The following TRIP6 variants were observed in gnomAD, a reference collection of about 807,000 sequenced individuals.
TRIP6 encodes the protein thyroid receptor-interacting protein 6.
Under a neutral mutation model 51.9 loss-of-function variants are expected in TRIP6, and 33 were observed. The observed-to-expected ratio is 0.64, with a 90% CI of 0.48 to 0.85. TRIP6 has a LOEUF of 0.85. Among genes scored for constraint, TRIP6 ranks in the 40% least tolerant of loss-of-function variants. The pLI is 0.00. For missense variants in TRIP6, 661 were observed against 652.1 expected, an observed-to-expected ratio of 1.01 and a Z score of -0.15; for synonymous variants, 255 against 275.8, an observed-to-expected ratio of 0.92 and a Z score of 0.75.
rs934043032 is a variant in TRIP6 at position 100,871,689 on chromosome 7, G to A, written c.1146G>A (p.Thr382=). 8 of 1,613,932 alleles carry A rather than the reference G, an allele frequency of 5.0e-6. No homozygotes were observed. Among genetic ancestry groups the A allele is most frequent in the Middle Eastern group, 1.6e-4 (1 of 6,084 alleles). Residue 382 remains threonine, a synonymous_variant, in exon 7 of 9, where the codon ACG becomes ACA. Coordinates refer to ENST00000200457, the MANE Select transcript of TRIP6 (RefSeq NM_003302.3). ...LDGIPFTVDA[T]SQIHCIEDFH... is the part of the protein sequence containing the mutation. ...GCATCCCCTTCACAGTGGATGCTAC[G>A]AGCCAGATCCACTGCATTGAGGACT...
At chr7:100,871,911 C>A (rs533455237) in intron 7 of TRIP6, among the ~76,000 whole-genome samples, 190 bp downstream of exon 7, 1 of 152,214 alleles carries the variant, frequency 6.6e-6, no homozygotes, top group Non-Finnish European at 1.5e-5. Flanking sequence ...TCATAGCTCA[C>A]TGCAGCCTCC....
chr7:100,872,596 T>C (rs1815296777), intron 7 of TRIP6, 28 bp from the exon 8 acceptor site: 2 of 1,613,340 alleles, frequency 1.2e-6, no homozygotes, highest in African/African-American at 2.7e-5. Context: ...CAAGGCTTGA[T>C]GGCCTTCTTG....
At chr7:100,868,454 G>A (rs748621425) in intron 3 of TRIP6, 41 bp from the exon 4 acceptor site, 3 of 1,612,454 alleles carry the variant, frequency 1.9e-6, no homozygotes, top group Non-Finnish European at 2.5e-6. Context: ...GTCTTGGAGT[G>A]GGGTCCTTGC....
At chr7:100,872,791 C>T (rs1208514346) in intron 8 of TRIP6, 47 bp downstream of exon 8, 2 of 1,607,028 alleles carry the variant, frequency 1.2e-6, no homozygotes, top group Non-Finnish European at 1.7e-6. Flanking sequence ...GTCTAGGGTG[C>T]TGGGTAGAGC....
In TRIP6 at chr7:100,873,361, A is replaced by C. The variant is rs576652050; in HGVS notation, c.*58A>C. The C allele has an allele frequency of 1.9e-6, 3 of 1,544,430 alleles. No homozygotes were observed. The highest frequency in any genetic ancestry group is 2.7e-5 in the African/African-American group (2 of 73,282). ...TCCAGTTCCCATCCTTTGATTGATC[A>C]CTCTCCCTGACATCCACCTGTATGA... On this transcript the variant is annotated 3_prime_UTR_variant, in exon 9 of 9. Coordinates refer to ENST00000200457, the MANE Select transcript of TRIP6 (RefSeq NM_003302.3).
At position 100,871,706 on chromosome 7, in the gene TRIP6, T is replaced by C. The variant is rs976546982; in HGVS notation, c.1163T>C (p.Ile388Thr). Residue 388 changes from isoleucine to threonine, a missense_variant, in exon 7 of 9, where the codon ATT (isoleucine) becomes ACT (threonine). By Grantham distance (89) the Ile-to-Thr change is moderately conservative. Coordinates refer to ENST00000200457, the MANE Select transcript of TRIP6 (RefSeq NM_003302.3). ...GATGCTACGAGCCAGATCCACTGCATTGAGGACTTTCACAGGTCAGGCCTG... is the reference window on the plus strand; with the variant it reads ...GATGCTACGAGCCAGATCCACTGCACTGAGGACTTTCACAGGTCAGGCCTG... ...TVDATSQIHC[I>T]EDFHRKFAPR... 2.5e-6 allele frequency: 4 copies of C among 1,613,870 alleles called. No individual in the cohort carries two copies. The highest frequency in any genetic ancestry group is 2.5e-6 in the Non-Finnish European group (3 of 1,179,998).
At position 100,868,830 on chromosome 7, in the gene TRIP6, T is replaced by C. The variant is rs111669728; in HGVS notation, c.699T>C (p.Pro233=). ...AGGAAGCTGCTGGGGTCTCTGGCCCTGCAGGAAGAGGAAGAGGAGGCGAGC... is the reference window on the plus strand; with the variant it reads ...AGGAAGCTGCTGGGGTCTCTGGCCCCGCAGGAAGAGGAAGAGGAGGCGAGC... ...AKEEAAGVSG[P]AGRGRGGEHG... The change falls in exon 4 of 9, where the codon CCT becomes CCC. Residue 233 remains proline (P), a synonymous_variant. Coordinates refer to ENST00000200457, the MANE Select transcript of TRIP6 (RefSeq NM_003302.3). 3 of 1,517,570 alleles carry C rather than the reference T, an allele frequency of 2.0e-6. No homozygotes were observed. The highest frequency in any genetic ancestry group is 2.6e-6 in the Non-Finnish European group (3 of 1,138,542). 94.0% of individuals were successfully genotyped at this position (1,517,570 alleles called of 1,614,324 possible). A position where few individuals can be genotyped will look rare whatever the true frequency, so the allele number is the denominator to read the frequency against.
chr7:100,867,984 C>T lies in TRIP6; in HGVS notation c.233C>T (p.Thr78Met), dbSNP rs754152821. 3 of 1,515,190 alleles carry T rather than the reference C, an allele frequency of 2.0e-6. No individual in the cohort carries two copies. The highest frequency in any genetic ancestry group is 1.4e-5 in the African/African-American group (1 of 71,450). The allele number at this position is 1,515,190 out of a possible 1,614,324, so 93.9% of individuals were successfully genotyped here. A position where few individuals can be genotyped will look rare whatever the true frequency, so the allele number is the denominator to read the frequency against. The part of the protein sequence containing the change: ...WVGSHGVLQH[T>M]QGLPADRGGL... ...GGGTCCCATGGAGTACTCCAGCACA[C>T]GCAGGTGAGACCCGGGATCGTGGGG... The change falls in exon 2 of 9, where the codon ACG (threonine) becomes ATG (methionine). Residue 78 changes from threonine (T) to methionine (M), a missense_variant. Coordinates refer to ENST00000200457, the MANE Select transcript of TRIP6 (RefSeq NM_003302.3). This position sits in a 1 kb window ranked among gnomAD's most constrained non-coding sequence, Gnocchi z 5.4.
chr7:100,870,297 C>T lies in TRIP6; in HGVS notation c.736-73C>T, dbSNP rs557878247. ...TGGCCCAGTTCCTAACAGGCCATGG[C>T]CTGGCGGCTGAGGGCCCTGGTATTA... On this transcript the variant is annotated intron_variant, in intron 4 of 8. Transcript: ENST00000200457. 26 of 1,486,808 alleles carry T rather than the reference C, an allele frequency of 1.7e-5. No homozygotes were observed. The East Asian group carries it at 5.1e-4, about 29-fold the overall frequency. The allele number at this position is 1,486,808 out of a possible 1,614,324, so 92.1% of individuals were successfully genotyped here. A position where few individuals can be genotyped will look rare whatever the true frequency, so the allele number is the denominator to read the frequency against.
Position 100,868,616 on chromosome 7 carries a change from C to A in TRIP6, c.485C>A (p.Thr162Asn), listed in dbSNP as rs754260797. ...CCAGCCTCTTACACTACCGCCAGCA[C>A]CCCGGCTGGCCCAGCCTTCCCCGTG... is the stretch of plus-strand genomic sequence containing the variant. ...PTPASYTTASTPAGPAFPVQV... is the reference protein window; with the variant it reads ...PTPASYTTASNPAGPAFPVQV... Residue 162 changes from threonine (T) to asparagine (N), a missense_variant, in exon 4 of 9, where the codon ACC becomes AAC. Transcript: ENST00000200457. 6.2e-7 allele frequency: 1 copy of A among 1,612,750 alleles called. No individual in the cohort carries two copies. Among genetic ancestry groups the A allele is most frequent in the Non-Finnish European group, 8.5e-7 (1 of 1,179,880 alleles).
intron 5 of TRIP6, 40 bp from the exon 6 acceptor site, chr7:100,870,534 T>G: frequency 6.2e-7 from 1 of 1,607,848 alleles, no homozygotes; most frequent in Middle Eastern, 1.7e-4. Context: ...AGTGGCTTCC[T>G]GGGTCTGTGA....
rs12705090 is a variant in TRIP6, at chr7:100,870,078, C to A, written c.736-292C>A. Among the ~76,000 whole-genome samples, 62 of 152,190 alleles carry A rather than the reference C, an allele frequency of 4.1e-4. 1 individual carries two copies. Among genetic ancestry groups the A allele is most frequent in the Admixed American group, 2.9e-3 (45 of 15,290 alleles). ...TGGGAGACAGTGACAGATCATCAGG[C>A]ATTAGATTCTCATAAGGAGCTTGCA... On this transcript the variant is annotated intron_variant, in intron 4 of 8. Coordinates refer to ENST00000200457, the MANE Select transcript of TRIP6 (RefSeq NM_003302.3).
Position 100,867,707 on chromosome 7 carries a change from C to T in TRIP6, c.109+101C>T, listed in dbSNP as rs890019721. ...CCCTGGCTGCTTCCTCCTGCCCCTTCCCCAAGCCGAGGCGGGGGGAACAGC... is the reference window on the plus strand; with the variant it reads ...CCCTGGCTGCTTCCTCCTGCCCCTTTCCCAAGCCGAGGCGGGGGGAACAGC... On this transcript the variant is annotated intron_variant, in intron 1 of 8. Coordinates refer to ENST00000200457, the MANE Select transcript of TRIP6 (RefSeq NM_003302.3). This position sits in a 1 kb window ranked among gnomAD's most constrained non-coding sequence, Gnocchi z 5.4. 8.5e-6 allele frequency: 13 copies of T among 1,527,716 alleles called. No individual in the cohort carries two copies. The East Asian group carries it at 3.1e-4, about 36-fold the overall frequency. The allele number at this position is 1,527,716 out of a possible 1,614,324, so 94.6% of individuals were successfully genotyped here.
rs763371191 is a variant in TRIP6, at chr7:100,867,830, C to G, written c.110-31C>G. 1.3e-6 allele frequency: 2 copies of G among 1,534,008 alleles called. No individual in the cohort carries two copies. Among genetic ancestry groups the G allele is most frequent in the Middle Eastern group, 1.8e-4 (1 of 5,678 alleles). ...ATACACCCCTCCTGTCCTCCGCCACCCCACCTTTGATTTCTCTTCCCTCAA... is the reference window on the plus strand; with the variant it reads ...ATACACCCCTCCTGTCCTCCGCCACGCCACCTTTGATTTCTCTTCCCTCAA... On this transcript the variant is annotated intron_variant, in intron 1 of 8. Coordinates refer to ENST00000200457, the MANE Select transcript of TRIP6 (RefSeq NM_003302.3). This position sits in a 1 kb window ranked among gnomAD's most constrained non-coding sequence, Gnocchi z 5.4.
chr7:100,868,422 A>G (rs934586328), intron 3 of TRIP6, 73 bp from the exon 4 acceptor site: 4 of 1,606,458 alleles, frequency 2.5e-6, no homozygotes, highest in East Asian at 2.2e-5. Flanking sequence ...CCCCACAGCC[A>G]GGGTCATTTC....
Position 100,867,427 on chromosome 7 carries a change from G to T in TRIP6, c.-71G>T. 8.7e-7 allele frequency: 1 copy of T among 1,152,818 alleles called. No homozygotes were observed. Among genetic ancestry groups the T allele is most frequent in the Non-Finnish European group, 1.2e-6 (1 of 854,674 alleles). 71.4% of individuals were successfully genotyped at this position (1,152,818 alleles called of 1,614,324 possible). A position where few individuals can be genotyped will look rare whatever the true frequency, so the allele number is the denominator to read the frequency against. On this transcript the variant is annotated 5_prime_UTR_variant, in exon 1 of 9. Transcript: ENST00000200457. The surrounding 1 kb of genome is among the most constrained non-coding windows in gnomAD (Gnocchi z 5.4). ...TTCTGGAGTCCCAAACGAGGTGCGG[G>T]ACGGAAGAGGGGGTGAAGGCCAGAG...
intron 6 of TRIP6, chr7:100,871,275 T>A (rs889165179): frequency 4.2e-5 from 23 of 549,300 alleles, no homozygotes; most frequent in African/African-American, 3.8e-4. Flanking sequence ...CCTCAAGCAG[T>A]CCGCCCACTC....
In TRIP6 at chr7:100,873,331, T is replaced by C. The variant is rs1256393584; in HGVS notation, c.*28T>C. On this transcript the variant is annotated 3_prime_UTR_variant, in exon 9 of 9. Coordinates refer to ENST00000200457, the MANE Select transcript of TRIP6 (RefSeq NM_003302.3). The stretch of plus-strand genomic sequence containing the variant: ...CTTCCTAGAAGTACCTGCTGGGTTC[T>C]CAGTTCCAGTTCCCATCCTTTGATT... 2.5e-6 allele frequency: 4 copies of C among 1,584,208 alleles called. No individual in the cohort carries two copies. The African/African-American group carries it at 5.4e-5, about 21-fold the overall frequency.
chr7:100,871,610 A>AG lies in TRIP6; in HGVS notation c.1069dup (p.Ala357GlyfsTer33), dbSNP rs1255572759. On this transcript the variant is annotated frameshift_variant, in exon 7 of 9. Coordinates refer to ENST00000200457, the MANE Select transcript of TRIP6 (RefSeq NM_003302.3). LOFTEE classifies it high-confidence loss of function. ...GACCGGATCCTGCGGGCTATGGGGAAGGCCTACCACCCTGGCTGCTTCACC... is the reference window on the plus strand; with the variant it reads ...GACCGGATCCTGCGGGCTATGGGGAAGGGCCTACCACCCTGGCTGCTTCACC... 6.2e-7 allele frequency: 1 copy of AG among 1,614,106 alleles called. No homozygotes were observed.
Sources: allele counts gnomAD v4.1 joint callset (sites outside exome capture counted in the v4.1 genomes callset), GRCh38; gene constraint gnomAD v4.1.1; non-coding constraint Gnocchi (gnomAD v3.1); transcripts MANE v1.5; gene names NCBI Gene and HGNC (gene_info 2026-07-23, HGNC 2026-07-21).